TACC2: variants seen among roughly 807,000 people sequenced by gnomAD.
TACC2 encodes transforming acidic coiled-coil containing protein 2, also known as transforming acidic coiled-coil-containing protein 2.
A neutral mutation model predicts 227.3 loss-of-function variants in TACC2; 137 were observed. The observed-to-expected ratio is 0.60, with a 90% CI of 0.52 to 0.69. The LOEUF (loss-of-function observed/expected upper bound fraction) is 0.69. TACC2 is among the 30% of genes least tolerant of loss of function. The pLI is 0.00. For synonymous variants in TACC2, 1,523 were observed against 1,487.5 expected (o/e 1.02, Z -0.55); for missense variants, 3,470 against 3,694.4 (o/e 0.94, Z 1.57).
At chr10:122,147,692 G>A (rs1436430687) in intron 7 of TACC2, among the ~76,000 whole-genome samples, 2 of 152,152 alleles carry the variant, frequency 1.3e-5, no homozygotes, top group East Asian at 1.9e-4. Context: ...CCAATACTAC[G>A]TTATTTCATT....
intron 16 of TACC2, among the ~76,000 whole-genome samples, chr10:122,234,413 T>C (rs541082149): frequency 7.2e-5 from 11 of 152,376 alleles, no homozygotes; most frequent in Admixed American, 2.6e-4. Flanking sequence ...AGTGGCTTTT[T>C]TTGGCCCCTC....
chr10:122,059,837 G>GT (rs36053090), intron 3 of TACC2, among the ~76,000 whole-genome samples: 89,982 of 151,890 alleles, frequency 0.59, 27,134 homozygotes, highest in Non-Finnish European at 0.65. Context: ...TCAAAGTGGG[G>GT]TTCTGGCCCA....
intron 13 of TACC2, among the ~76,000 whole-genome samples, 200 bp downstream of exon 13, chr10:122,226,681 C>G (rs1247020343): frequency 6.6e-6 from 1 of 151,920 alleles, no homozygotes; most frequent in East Asian, 1.9e-4. Context: ...TCAAGGGCTC[C>G]TCTCACCTCA....
At chr10:122,045,251 C>T (rs893797669) in intron 2 of TACC2, among the ~76,000 whole-genome samples, 1 of 152,232 alleles carries the variant, frequency 6.6e-6, no homozygotes, top group Non-Finnish European at 1.5e-5. Flanking sequence ...CCACATTATT[C>T]TCAAATGTCC....
At chr10:122,011,337 G>GT (rs1052581734) in intron 1 of TACC2, among the ~76,000 whole-genome samples, 38 of 152,058 alleles carry the variant, frequency 2.5e-4, no homozygotes, top group African/African-American at 8.7e-4. Flanking sequence ...GTTTGTTTTT[G>GT]TTTTTTGTTT....
intron 5 of TACC2, among the ~76,000 whole-genome samples, chr10:122,092,811 G>C (rs549357205): frequency 3.9e-5 from 6 of 152,316 alleles, no homozygotes; most frequent in African/African-American, 1.4e-4. Context: ...AATGTACAGA[G>C]AGTGGCTGTG....
intron 5 of TACC2, among the ~76,000 whole-genome samples, chr10:122,108,379 G>T (rs886778805): frequency 1.4e-5 from 2 of 137,992 alleles, no homozygotes; most frequent in East Asian, 2.1e-4. Context: ...ATGCGCGCGC[G>T]CTCTCTCTTT....
Position 122,211,178 on chromosome 10 carries a change from G to T in TACC2, c.6753G>T (p.Gly2251=), listed in dbSNP as rs907333113. The T allele has an allele frequency of 1.2e-6, 2 of 1,612,610 alleles. No homozygotes were observed. The highest frequency in any genetic ancestry group is 1.7e-6 in the Non-Finnish European group (2 of 1,179,302). ...EAGEVTPSDS[G]GQEDSPAKGL... is the part of the protein sequence containing the mutation. The stretch of plus-strand genomic sequence containing the variant: ...GGGAGGTAACCCCATCGGATAGCGG[G>T]GGGCAAGAGGACTCTCCAGCCAAAG... The change falls in exon 9 of 23, where the codon GGG becomes GGT. Residue 2251 remains glycine, a synonymous_variant. Transcript: ENST00000369005.
intron 2 of TACC2, chr10:122,023,260 C>T (rs1168393144): frequency 1.3e-5 from 2 of 152,154 alleles, no homozygotes; most frequent in African/African-American, 4.8e-5. Context: ...GAACTCCTGA[C>T]TTCAGGTGAT....
chr10:122,144,424 A>G (rs2091097407), intron 7 of TACC2, among the ~76,000 whole-genome samples: 1 of 152,226 alleles, frequency 6.6e-6, no homozygotes, highest in South Asian at 2.1e-4. Context: ...GGTTTTGATT[A>G]TAAATCATTA....
intron 7 of TACC2, among the ~76,000 whole-genome samples, chr10:122,184,801 G>T (rs188297955): frequency 6.6e-6 from 1 of 151,868 alleles, no homozygotes; most frequent in African/African-American, 2.4e-5. Context: ...TAATTTGCTG[G>T]GTTTTTTTTC....
intron 5 of TACC2, among the ~76,000 whole-genome samples, chr10:122,124,787 C>A (rs764250323): frequency 1.3e-5 from 2 of 152,210 alleles, no homozygotes; most frequent in Admixed American, 6.5e-5. Flanking sequence ...TTCCCCGATT[C>A]CGCAGTCATT....
chr10:122,186,387 G>A (rs1264210157), intron 7 of TACC2, among the ~76,000 whole-genome samples: 10 of 152,068 alleles, frequency 6.6e-5, no homozygotes, highest in Admixed American at 5.9e-4. Context: ...CAGCTTACTC[G>A]GGAGGCTGAG....
chr10:122,193,338 C>G (rs900987462), intron 7 of TACC2, among the ~76,000 whole-genome samples: 2 of 152,150 alleles, frequency 1.3e-5, no homozygotes, highest in Admixed American at 1.3e-4. Flanking sequence ...GGGAACTCAC[C>G]AAATAGCTCT....
intron 5 of TACC2, among the ~76,000 whole-genome samples, chr10:122,123,631 T>C (rs949052597): frequency 1.5e-4 from 23 of 152,042 alleles, no homozygotes; most frequent in Non-Finnish European, 1.5e-5. Flanking sequence ...GCCATGAAAA[T>C]GCAGATCTTG....
intron 17 of TACC2, 133 bp downstream of exon 17, chr10:122,237,671 A>G: frequency 8.6e-7 from 1 of 1,162,890 alleles, no homozygotes; most frequent in Non-Finnish European, 1.2e-6. Flanking sequence ...GTGGCACACC[A>G]TGCGTTTTGA....
At chr10:122,222,639 C>CT (rs2095543567) in intron 11 of TACC2, among the ~76,000 whole-genome samples, 1 of 152,226 alleles carries the variant, frequency 6.6e-6, no homozygotes, top group Admixed American at 6.5e-5. Flanking sequence ...GCTCCGTGAC[C>CT]TAAAACTCAC....
intron 11 of TACC2, 25 bp downstream of exon 11, chr10:122,216,853 A>G (rs756964036): frequency 3.1e-5 from 50 of 1,613,864 alleles, no homozygotes; most frequent in Non-Finnish European, 3.8e-5. Context: ...AGCCAGCTGG[A>G]CCCCCACTCT....
intron 3 of TACC2, among the ~76,000 whole-genome samples, chr10:122,068,507 C>T (rs2077631040): frequency 6.6e-6 from 1 of 152,078 alleles, no homozygotes; most frequent in South Asian, 2.1e-4. Context: ...TTAGATGGAA[C>T]GAGAGCAGTG....
Sources: gnomAD v4.1 joint callset for allele counts (sites outside exome capture counted in the v4.1 genomes callset) on GRCh38, gnomAD v4.1.1 for gene constraint, MANE v1.5 for transcripts, NCBI Gene and HGNC (gene_info 2026-07-23, HGNC 2026-07-21) for gene names.